The following PDE4B variants were observed in gnomAD, a reference collection of about 807,000 sequenced individuals.
PDE4B encodes the protein 3',5'-cyclic-AMP phosphodiesterase 4B.
PDE4B carries 20 observed loss-of-function variants against 82.2 expected under a neutral mutation model. The ratio of observed to expected loss-of-function variants is 0.24; its 90% CI spans 0.17 to 0.35. The LOEUF is 0.35. Ranked by LOEUF, PDE4B falls within the 10% of genes least tolerant of loss-of-function variation. PDE4B has a pLI of 1.00. For missense variants in PDE4B, 655 were observed against 907.2 expected (o/e 0.72, Z 3.57); for synonymous variants, 320 against 318.9 (o/e 1.00, Z -0.04).
chr1:65,825,324 G>A (rs556598031), intron 1 of PDE4B, among the ~76,000 whole-genome samples: 1 of 152,246 alleles, frequency 6.6e-6, no homozygotes, highest in East Asian at 1.9e-4. Context: ...AAAACAATGA[G>A]GTGGTGGAAC....
chr1:66,266,748 C>A (rs1327486772), intron 7 of PDE4B: 1 of 504,920 alleles, frequency 2.0e-6, no homozygotes. Flanking sequence ...CCATGGAGTT[C>A]TGTTGGAACT....
At chr1:65,987,329 A>C (rs1651006058) in intron 3 of PDE4B, among the ~76,000 whole-genome samples, 1 of 152,214 alleles carries the variant, frequency 6.6e-6, no homozygotes, top group Admixed American at 6.5e-5. Flanking sequence ...AAATAGCATC[A>C]TATGGATAAA....
chr1:66,063,320 A>G (rs923550612), intron 3 of PDE4B, among the ~76,000 whole-genome samples: 11 of 152,010 alleles, frequency 7.2e-5, no homozygotes, highest in African/African-American at 2.7e-4. Context: ...TTAGAATTGA[A>G]GAGTAAAAAA....
At chr1:66,286,901 T>A (rs1182294344) in intron 7 of PDE4B, among the ~76,000 whole-genome samples, 1 of 152,070 alleles carries the variant, frequency 6.6e-6, no homozygotes, top group Non-Finnish European at 1.5e-5. Context: ...TGCCCCCCCA[T>A]GGTAATTAAT....
chr1:66,245,827 T>G (rs1653270649), intron 3 of PDE4B, among the ~76,000 whole-genome samples: 1 of 152,232 alleles, frequency 6.6e-6, no homozygotes, highest in Non-Finnish European at 1.5e-5. Flanking sequence ...TTGTGGGTTG[T>G]CTAAAAGCAG....
At chr1:65,997,340 C>G (rs1346858012) in intron 3 of PDE4B, among the ~76,000 whole-genome samples, 3 of 152,092 alleles carry the variant, frequency 2.0e-5, no homozygotes. Context: ...TCTTGGAAAT[C>G]TTTTCTCGTT....
At chr1:66,143,187 G>A (rs1440750784) in intron 3 of PDE4B, among the ~76,000 whole-genome samples, 1 of 152,174 alleles carries the variant, frequency 6.6e-6, no homozygotes, top group Non-Finnish European at 1.5e-5. Flanking sequence ...GTGAAGACAA[G>A]GGTTTGTCTT....
intron 3 of PDE4B, chr1:65,993,204 C>G: frequency 8.0e-7 from 1 of 1,245,012 alleles, no homozygotes; most frequent in East Asian, 2.4e-5. Context: ...CACCAGTGAT[C>G]TAGCAGTGTA....
chr1:65,837,587 G>A (rs1215521834), intron 1 of PDE4B, among the ~76,000 whole-genome samples: 3 of 152,118 alleles, frequency 2.0e-5, no homozygotes, highest in Non-Finnish European at 4.4e-5. Flanking sequence ...CAGCCTGGAC[G>A]ACAGAGCAAG....
At chr1:66,134,776 C>A (rs1385807260) in intron 3 of PDE4B, among the ~76,000 whole-genome samples, 1 of 152,200 alleles carries the variant, frequency 6.6e-6, no homozygotes, top group African/African-American at 2.4e-5. Flanking sequence ...TTCTCCAAAA[C>A]TGTTTATTAC....
At chr1:66,129,577 G>A (rs942164312) in intron 3 of PDE4B, among the ~76,000 whole-genome samples, 1 of 148,600 alleles carries the variant, frequency 6.7e-6, no homozygotes, top group East Asian at 2.0e-4. Context: ...GGAGAATGGC[G>A]TGAACCCGGG....
At chr1:66,216,799 G>A (rs1295398428) in intron 3 of PDE4B, among the ~76,000 whole-genome samples, 2 of 152,092 alleles carry the variant, frequency 1.3e-5, no homozygotes, top group African/African-American at 4.8e-5. Context: ...GGGGAGGCTG[G>A]TTGGAAAAGA....
chr1:65,963,900 A>G (rs1389465545), intron 3 of PDE4B, among the ~76,000 whole-genome samples: 1 of 152,206 alleles, frequency 6.6e-6, no homozygotes, highest in African/African-American at 2.4e-5. Context: ...GTTTTTCTTT[A>G]CATTTTCCTC....
chr1:66,250,484 G>C (rs180883114), intron 4 of PDE4B, among the ~76,000 whole-genome samples: 29 of 152,294 alleles, frequency 1.9e-4, no homozygotes, highest in African/African-American at 6.7e-4. Flanking sequence ...TGAGTGAAAA[G>C]ATATTAAGAG....
chr1:66,122,038 C>T (rs1157452869), intron 3 of PDE4B, among the ~76,000 whole-genome samples: 3 of 152,008 alleles, frequency 2.0e-5, no homozygotes, highest in African/African-American at 7.3e-5. Flanking sequence ...TTCTCCCTCA[C>T]TGCTTCCTTC....
intron 3 of PDE4B, among the ~76,000 whole-genome samples, chr1:66,130,880 C>G (rs1645927020): frequency 6.6e-6 from 1 of 152,150 alleles, no homozygotes; most frequent in South Asian, 2.1e-4. Context: ...CTGTAGCACA[C>G]AAATCTTAAA....
At chr1:66,288,087 G>C (rs1012081050) in intron 7 of PDE4B, among the ~76,000 whole-genome samples, 3 of 152,202 alleles carry the variant, frequency 2.0e-5, no homozygotes, top group Non-Finnish European at 4.4e-5. Context: ...AGTTCTGTAT[G>C]ATGGCCTACA....
At chr1:65,809,018 G>T (rs190158671) in intron 1 of PDE4B, among the ~76,000 whole-genome samples, 1 of 152,018 alleles carries the variant, frequency 6.6e-6, no homozygotes, top group South Asian at 2.1e-4. Context: ...TGGTGTGTGG[G>T]TAGATATTTA....
chr1:65,986,818 A>G (rs1175960563), intron 3 of PDE4B, among the ~76,000 whole-genome samples: 17 of 152,146 alleles, frequency 1.1e-4, no homozygotes, highest in Admixed American at 9.2e-4. Flanking sequence ...ATACGCTGAC[A>G]AGTACTATGG....
Sources: gnomAD v4.1 joint callset for allele counts (sites outside exome capture counted in the v4.1 genomes callset) on GRCh38, gnomAD v4.1.1 for gene constraint, MANE v1.5 for transcripts, NCBI Gene and HGNC (gene_info 2026-07-23, HGNC 2026-07-21) for gene names.